The following ASTN2 variants were observed in gnomAD, a reference collection of about 807,000 sequenced individuals.
ASTN2 encodes the protein astrotactin-2.
A neutral mutation model predicts 139.8 loss-of-function variants in ASTN2; 54 were observed. The observed-to-expected ratio is 0.39, with a 90% CI of 0.31 to 0.48. ASTN2 has a LOEUF of 0.48. Among genes scored for constraint, ASTN2 ranks in the 20% least tolerant of loss-of-function variants. The pLI, the probability that ASTN2 is intolerant of heterozygous loss-of-function variation, is 0.95. For synonymous variants in ASTN2, 756 were observed against 719.5 expected (o/e 1.05, Z -0.81); for missense variants, 1,565 against 1,725.1 (o/e 0.91, Z 1.64).
intron 3 of ASTN2, among the ~76,000 whole-genome samples, chr9:117,166,878 C>A (rs1830681784): frequency 6.6e-6 from 1 of 152,106 alleles, no homozygotes; most frequent in East Asian, 1.9e-4. Flanking sequence ...TGTTTGACTT[C>A]TTTCCTCTCT....
chr9:117,185,425 A>G (rs1588052451), intron 3 of ASTN2, among the ~76,000 whole-genome samples: 1 of 152,298 alleles, frequency 6.6e-6, no homozygotes, highest in Non-Finnish European at 1.5e-5. Context: ...GATCTGCCAC[A>G]TTCACAGATG....
chr9:116,648,507 T>C (rs7467020), intron 17 of ASTN2, among the ~76,000 whole-genome samples: 4,463 of 152,216 alleles, frequency 0.029, 202 homozygotes, highest in African/African-American at 0.1. Flanking sequence ...ATTCTCACAG[T>C]CTATCCTGAC....
At chr9:116,822,873 G>A (rs1831528035) in intron 11 of ASTN2, among the ~76,000 whole-genome samples, 1 of 152,160 alleles carries the variant, frequency 6.6e-6, no homozygotes, top group Non-Finnish European at 1.5e-5. Context: ...AAACTCTTGA[G>A]GACACCCTCC....
chr9:116,455,361 A>AG (rs1326711610), intron 20 of ASTN2, among the ~76,000 whole-genome samples: 1 of 151,456 alleles, frequency 6.6e-6, no homozygotes, highest in African/African-American at 2.4e-5. Flanking sequence ...AAAAAAAAAA[A>AG]AAAAGAAAAG....
intron 22 of ASTN2, among the ~76,000 whole-genome samples, chr9:116,428,132 A>G (rs1847367232): frequency 6.6e-6 from 1 of 152,244 alleles, no homozygotes; most frequent in Non-Finnish European, 1.5e-5. Context: ...AGACAGAGGA[A>G]GGTACTTAAG....
intron 19 of ASTN2, among the ~76,000 whole-genome samples, chr9:116,565,425 A>G (rs1489563096): frequency 1.2e-5 from 1 of 85,836 alleles, no homozygotes; most frequent in African/African-American, 4.5e-5. Flanking sequence ...ATATATATAT[A>G]TATATTTATT....
At chr9:117,165,613 AGT>A (rs1198386241) in intron 3 of ASTN2, among the ~76,000 whole-genome samples, 1 of 152,100 alleles carries the variant, frequency 6.6e-6, no homozygotes, top group African/African-American at 2.4e-5. Context: ...GGGTCCTGAG[AGT>A]GAGGGCCACC....
intron 1 of ASTN2, among the ~76,000 whole-genome samples, chr9:117,365,550 G>A (rs1564168244): frequency 6.6e-6 from 1 of 152,194 alleles, no homozygotes; most frequent in East Asian, 1.9e-4. Flanking sequence ...AAAGGGCTCT[G>A]GAGAGCCCTT....
intron 10 of ASTN2, among the ~76,000 whole-genome samples, chr9:116,924,822 C>T (rs763113321): frequency 5.9e-5 from 9 of 152,142 alleles, no homozygotes; most frequent in Admixed American, 3.3e-4. Context: ...TCTTTATGAC[C>T]TGGATCTTGT....
chr9:116,446,276 G>GAGAT (rs1554765204), intron 20 of ASTN2, among the ~76,000 whole-genome samples: 10 of 30,172 alleles, frequency 3.3e-4, no homozygotes, highest in African/African-American at 1.2e-3. Context: ...GAGAGATAGA[G>GAGAT]AGAGAGAGAG....
intron 19 of ASTN2, among the ~76,000 whole-genome samples, chr9:116,525,001 G>A (rs1269275404): frequency 6.6e-6 from 1 of 152,158 alleles, no homozygotes; most frequent in Non-Finnish European, 1.5e-5. Flanking sequence ...AGTTTGGAGG[G>A]CACAGAAGAA....
intron 7 of ASTN2, among the ~76,000 whole-genome samples, chr9:116,998,883 T>C (rs1220767851): frequency 6.6e-6 from 1 of 152,220 alleles, no homozygotes; most frequent in Non-Finnish European, 1.5e-5. Context: ...CTGTAGATTC[T>C]TGGAATTTAT....
intron 2 of ASTN2, among the ~76,000 whole-genome samples, chr9:117,253,275 C>A (rs1159419131): frequency 6.6e-6 from 1 of 152,138 alleles, no homozygotes; most frequent in African/African-American, 2.4e-5. Flanking sequence ...GTTCTTATAT[C>A]TCTTGTTTCT....
At chr9:116,538,440 A>G (rs544663935) in intron 19 of ASTN2, among the ~76,000 whole-genome samples, 2 of 152,154 alleles carry the variant, frequency 1.3e-5, no homozygotes, top group Non-Finnish European at 2.9e-5. Flanking sequence ...TGTGTGGCCC[A>G]TGACTTTGTA....
chr9:116,824,287 C>T (rs529164738), intron 11 of ASTN2, among the ~76,000 whole-genome samples: 2 of 152,176 alleles, frequency 1.3e-5, no homozygotes, highest in Non-Finnish European at 2.9e-5. Context: ...TACACTGCAC[C>T]AGAATTGGTC....
At chr9:117,374,959 C>G (rs569021164) in intron 1 of ASTN2, among the ~76,000 whole-genome samples, 3 of 152,292 alleles carry the variant, frequency 2.0e-5, no homozygotes, top group South Asian at 2.1e-4. Context: ...CTGTCTTTTT[C>G]CAGTTGACTC....
rs1263721219 is a variant in ASTN2, at chr9:116,442,285, AT to A, written c.3598+167del. On this transcript the variant is annotated intron_variant, in intron 21 of 22. Coordinates refer to ENST00000313400, the MANE Select transcript of ASTN2 (RefSeq NM_001365068.1). ...CTTAATTTTTCCCTTCATGACTTTG[AT>A]TAATTTAGCTCCATGTTCCTCCTGT... Among the ~76,000 whole-genome samples the A allele has an allele frequency of 1.3e-5, 2 of 152,160 alleles. 1 individual carries two copies.
chr9:117,396,598 C>A (rs939714230), intron 1 of ASTN2, among the ~76,000 whole-genome samples: 1 of 152,154 alleles, frequency 6.6e-6, no homozygotes, highest in African/African-American at 2.4e-5. Flanking sequence ...CAGAGTCTCA[C>A]TCTGTCTCCC....
intron 2 of ASTN2, among the ~76,000 whole-genome samples, chr9:117,236,471 G>A (rs1043163214): frequency 1.3e-5 from 2 of 152,158 alleles, no homozygotes; most frequent in South Asian, 4.1e-4. Flanking sequence ...AAAAAAATGT[G>A]ATAAGCAATG....
Sources: allele counts gnomAD v4.1 joint callset (sites outside exome capture counted in the v4.1 genomes callset), GRCh38; gene constraint gnomAD v4.1.1; transcripts MANE v1.5; gene names NCBI Gene and HGNC (gene_info 2026-07-23, HGNC 2026-07-21).